The following AK4 variants were observed in gnomAD, a reference collection of about 807,000 sequenced individuals.
AK4 encodes adenylate kinase 4, also known as adenylate kinase 4, mitochondrial.
A neutral mutation model predicts 24.6 loss-of-function variants in AK4; 13 were observed. The ratio of observed to expected loss-of-function variants is 0.53; its 90% CI spans 0.34 to 0.84. The LOEUF (loss-of-function observed/expected upper bound fraction) is 0.84, where lower values mean the gene tolerates loss of function less well. Among genes scored for constraint, AK4 ranks in the 40% least tolerant of loss-of-function variants. The pLI is 0.01. For synonymous variants in AK4, 88 were observed against 107.0 expected, an observed-to-expected ratio of 0.82 and a Z score of 1.10; for missense variants, 192 against 288.2, an observed-to-expected ratio of 0.67 and a Z score of 2.42.
chr1:65,221,918 T>A (rs1193669748), intron 3 of AK4, among the ~76,000 whole-genome samples: 2 of 152,196 alleles, frequency 1.3e-5, no homozygotes, highest in Non-Finnish European at 2.9e-5. Context: ...ACCCTGGGGT[T>A]CGTCATCTCA....
intron 1 of AK4, among the ~76,000 whole-genome samples, chr1:65,167,539 C>CAA (rs200440668): frequency 6.7e-6 from 1 of 149,760 alleles, no homozygotes; most frequent in Admixed American, 6.6e-5. Context: ...GCTTGGAGCA[C>CAA]AAAAAAAATG....
At chr1:65,173,674 C>T (rs180748757) in intron 1 of AK4, among the ~76,000 whole-genome samples, 161 of 152,128 alleles carry the variant, frequency 1.1e-3, no homozygotes, top group African/African-American at 3.7e-3. Context: ...CGAGCCTGGG[C>T]GGCATGGTGG....
chr1:65,190,612 C>T (rs1651273455), intron 1 of AK4, 98 bp from the exon 2 acceptor site: 1 of 1,384,894 alleles, frequency 7.2e-7, no homozygotes, highest in African/African-American at 1.4e-5. Flanking sequence ...TTTCTTCCCA[C>T]ATCAGGAAGG....
At chr1:65,211,205 C>A (rs554261784) in intron 2 of AK4, among the ~76,000 whole-genome samples, 1 of 152,010 alleles carries the variant, frequency 6.6e-6, no homozygotes, top group Non-Finnish European at 1.5e-5. Flanking sequence ...GGGCACAAAC[C>A]AAGACCCTGT....
chr1:65,163,310 A>G (rs1296706367), intron 1 of AK4, among the ~76,000 whole-genome samples: 1 of 152,246 alleles, frequency 6.6e-6, no homozygotes, highest in African/African-American at 2.4e-5. Context: ...TGAGCAATGA[A>G]TGATTCACGA....
At chr1:65,210,692 C>T (rs1041987924) in intron 2 of AK4, among the ~76,000 whole-genome samples, 1 of 152,002 alleles carries the variant, frequency 6.6e-6, no homozygotes, top group Non-Finnish European at 1.5e-5. Context: ...CTATCTTTAT[C>T]CTTCATATCT....
chr1:65,209,388 T>C (rs778177578), intron 2 of AK4, among the ~76,000 whole-genome samples: 2 of 152,078 alleles, frequency 1.3e-5, no homozygotes, highest in Non-Finnish European at 2.9e-5. Flanking sequence ...TCTTGGAGTG[T>C]TACTTTTAGT....
At chr1:65,177,435 A>G (rs1650755171) in intron 1 of AK4, among the ~76,000 whole-genome samples, 1 of 152,232 alleles carries the variant, frequency 6.6e-6, no homozygotes, top group Non-Finnish European at 1.5e-5. Flanking sequence ...GGTAAAATTT[A>G]TCTGTGTCAC....
intron 1 of AK4, among the ~76,000 whole-genome samples, chr1:65,178,644 T>A (rs1259246501): frequency 6.6e-6 from 1 of 152,160 alleles, no homozygotes; most frequent in African/African-American, 2.4e-5. Flanking sequence ...GGGTGTTTCT[T>A]CCAGCCAACA....
chr1:65,212,869 A>C (rs1046903899), intron 2 of AK4, among the ~76,000 whole-genome samples: 1 of 152,222 alleles, frequency 6.6e-6, no homozygotes, highest in Non-Finnish European at 1.5e-5. Flanking sequence ...TAACTTCTCT[A>C]TCCACCTCAT....
rs557766833 is a variant in AK4, at chr1:65,214,774, G to A, written c.266-3980G>A. 7.9e-5 allele frequency among the ~76,000 whole-genome samples: 12 copies of A among 152,214 alleles called. No individual in the cohort carries two copies. In the South Asian group the frequency reaches 8.3e-4, roughly 11 times the overall value. On this transcript the variant is annotated intron_variant, in intron 2 of 4. Coordinates refer to ENST00000327299, the MANE Select transcript of AK4 (RefSeq NM_013410.4). Reference sequence around the variant, plus strand: ...CCACTTTCCTTAGAGGTAAGATACTGCACAAGTACATGAGAGCCTCTGGAG... The same window carrying A: ...CCACTTTCCTTAGAGGTAAGATACTACACAAGTACATGAGAGCCTCTGGAG...
chr1:65,148,157 G>GAGGGCGAGGAGGTGGAGA (rs1343055276), upstream of AK4: 1,214 of 709,848 alleles, frequency 1.7e-3, 4 homozygotes, highest in South Asian at 3.7e-3. Context: ...GGAGGTGGAG[G>GAGGGCGAGGAGGTGGAGA]AGGGCGAGGA....
chr1:65,197,962 G>A (rs1486606990), intron 2 of AK4, among the ~76,000 whole-genome samples: 1 of 152,098 alleles, frequency 6.6e-6, no homozygotes, highest in African/African-American at 2.4e-5. Context: ...TGAGTCTAGG[G>A]TATCTTTCAA....
At chr1:65,164,123 C>T (rs1028839250) in intron 1 of AK4, among the ~76,000 whole-genome samples, 9 of 152,266 alleles carry the variant, frequency 5.9e-5, no homozygotes, top group African/African-American at 2.2e-4. Flanking sequence ...GTTAGTCCTG[C>T]AAAGGCAGAC....
In AK4 at chr1:65,198,167, A is replaced by G. The variant is rs536861499; in HGVS notation, c.265+7338A>G. Among the ~76,000 whole-genome samples, 6 of 152,332 alleles carry G rather than the reference A, an allele frequency of 3.9e-5. No individual in the cohort carries two copies. The East Asian group carries it at 1.2e-3, about 29-fold the overall frequency. ...ACCCTTCTATCTCAGGTTGTTACTA[A>G]GGCAGTGATGTATATTCTGGTATCT... On this transcript the variant is annotated intron_variant, in intron 2 of 4. Coordinates refer to ENST00000327299, the MANE Select transcript of AK4 (RefSeq NM_013410.4).
chr1:65,217,036 CATT>C (rs1652154324), intron 2 of AK4, among the ~76,000 whole-genome samples: 1 of 152,126 alleles, frequency 6.6e-6, no homozygotes, highest in African/African-American at 2.4e-5. Context: ...GCCATCTTGA[CATT>C]GTAGTGAAGA....
chr1:65,211,237 AGTAATAT>A (rs71915610), intron 2 of AK4, among the ~76,000 whole-genome samples: 53,384 of 149,574 alleles, frequency 0.36, 9,729 homozygotes, highest in East Asian at 0.67. Context: ...AGAATGAGAC[AGTAATAT>A]GTAATATGAA....
intron 1 of AK4, among the ~76,000 whole-genome samples, chr1:65,189,776 A>G (rs1041491189): frequency 6.6e-6 from 1 of 152,194 alleles, no homozygotes; most frequent in Non-Finnish European, 1.5e-5. Context: ...TTAATGTTTT[A>G]AATGAAGATA....
intron 2 of AK4, among the ~76,000 whole-genome samples, chr1:65,202,866 C>CTTTT (rs34143736): frequency 0.25 from 22,715 of 91,604 alleles, 3,516 homozygotes; most frequent in East Asian, 0.38. Flanking sequence ...GCTGTGTAGT[C>CTTTT]TTTTTTTTTT....
Sources: gnomAD v4.1 joint callset for allele counts (sites outside exome capture counted in the v4.1 genomes callset) on GRCh38, gnomAD v4.1.1 for gene constraint, MANE v1.5 for transcripts, NCBI Gene and HGNC (gene_info 2026-07-23, HGNC 2026-07-21) for gene names.